Variants in HDLBP observed in about 807,000 individuals in gnomAD.
The protein encoded by HDLBP is vigilin.
HDLBP carries 30 observed loss-of-function variants against 137.3 expected under a neutral mutation model. The observed-to-expected ratio is 0.22, with a 90% CI of 0.16 to 0.30. HDLBP has a LOEUF of 0.30. Ranked by LOEUF, HDLBP falls within the 10% of genes least tolerant of loss-of-function variation. The pLI, the probability that HDLBP is intolerant of heterozygous loss-of-function variation, is 1.00. For missense variants in HDLBP, 1,119 were observed against 1,667.3 expected, an observed-to-expected ratio of 0.67 and a Z score of 5.73; for synonymous variants, 606 against 596.0, an observed-to-expected ratio of 1.02 and a Z score of -0.24.
At chr2:241,297,245 G>A (rs12612578) in intron 1 of HDLBP, among the ~76,000 whole-genome samples, 48,286 of 152,132 alleles carry the variant, frequency 0.32, 8,398 homozygotes, top group East Asian at 0.51. Flanking sequence ...AGCTGAGTGA[G>A]ATGAGGAGGC....
rs761227325 is a variant in HDLBP at position 241,255,042 on chromosome 2, T to G, written c.1188+9A>C. The G allele has an allele frequency of 6.3e-7, 1 of 1,579,024 alleles. No homozygotes were observed. The highest frequency in any genetic ancestry group is 1.1e-5 in the South Asian group (1 of 90,294). On this transcript the variant is annotated intron_variant, in intron 9 of 27. Transcript: ENST00000310931. ...AATTCAATACAACAGGTGAAAAACG[T>G]GTCCTTACCTTTGGCATCTGCTGAG... is the stretch of plus-strand genomic sequence containing the variant.
chr2:241,304,271 T>C (rs2075496233), intron 1 of HDLBP, among the ~76,000 whole-genome samples: 3 of 152,240 alleles, frequency 2.0e-5, no homozygotes, highest in South Asian at 2.1e-4. Context: ...AATACATTAA[T>C]AGCACACCAA....
chr2:241,310,908 A>G (rs976924001), intron 1 of HDLBP, among the ~76,000 whole-genome samples: 1 of 152,186 alleles, frequency 6.6e-6, no homozygotes, highest in African/African-American at 2.4e-5. Context: ...TGAGGCCAGG[A>G]GTTCAAGATC....
chr2:241,266,765 C>G (rs776026477), intron 3 of HDLBP, 29 bp downstream of exon 3: 2 of 1,365,530 alleles, frequency 1.5e-6, no homozygotes, highest in Admixed American at 1.7e-5. Context: ...TTAGACATTA[C>G]CAGGAAGAGC....
intron 5 of HDLBP, among the ~76,000 whole-genome samples, chr2:241,260,187 G>A (rs1479780224): frequency 6.6e-6 from 1 of 151,972 alleles, no homozygotes. Flanking sequence ...TGTATTTTTA[G>A]TAGAGATGGG....
intron 1 of HDLBP, chr2:241,280,031 G>C (rs1173736206): frequency 9.1e-6 from 9 of 985,244 alleles, no homozygotes; most frequent in Non-Finnish European, 1.1e-5. Context: ...TGGGAGCAGA[G>C]ATGTGGAGGA....
chr2:241,249,922 C>T lies in HDLBP; in HGVS notation c.1431G>A (p.Lys477=), dbSNP rs763912794. 5.0e-6 allele frequency: 8 copies of T among 1,613,978 alleles called. No individual in the cohort carries two copies. In the Admixed American group the frequency reaches 8.3e-5, roughly 17 times the overall value. The change falls in exon 12 of 28, where the codon AAG becomes AAA. Residue 477 remains lysine (K), a synonymous_variant. Transcript: ENST00000310931. The stretch of plus-strand genomic sequence containing the variant: ...CCCCCTCGATGCGGATCAAATTGCT[C>T]TTCTCACTGTCAGGAGGGATGCGCA... ...VSVRIPPDSE[K]SNLIRIEGDP... is the part of the protein sequence containing the mutation.
chr2:241,272,034 A>C lies in HDLBP; in HGVS notation c.-102-3493T>G. On this transcript the variant is annotated intron_variant, in intron 1 of 27. Transcript: ENST00000310931. The surrounding 1 kb of genome is among the most constrained non-coding windows in gnomAD (Gnocchi z 5.6). ...GCGGGGACAGGCTTAAAGGGACAGC[A>C]ACCCCTCGGCCTCCCCGCCTTTCAT... 3.9e-6 allele frequency: 1 copy of C among 257,858 alleles called. No homozygotes were observed. Among genetic ancestry groups the C allele is most frequent in the Non-Finnish European group, 6.1e-6 (1 of 164,670 alleles). The allele number at this position is 257,858 out of a possible 1,614,324, so 16.0% of individuals were successfully genotyped here.
intron 9 of HDLBP, 129 bp from the exon 10 acceptor site, chr2:241,253,626 G>A: frequency 1.5e-6 from 1 of 671,188 alleles, no homozygotes; most frequent in Non-Finnish European, 2.7e-6. Context: ...GAGGGAGGGA[G>A]GGACATATCC....
At chr2:241,256,493 C>T (rs1559510467) in intron 6 of HDLBP, 94 bp from the exon 7 acceptor site, 2 of 1,493,374 alleles carry the variant, frequency 1.3e-6, no homozygotes, top group South Asian at 1.2e-5. Context: ...GCCCTCCACC[C>T]CCACCACATT....
chr2:241,241,190 AAAGAC>A (rs942689073), intron 17 of HDLBP, among the ~76,000 whole-genome samples: 1 of 152,146 alleles, frequency 6.6e-6, no homozygotes, highest in African/African-American at 2.4e-5. Context: ...CAACAACAAA[AAAGAC>A]AAGAAATACA....
Position 241,239,888 on chromosome 2 carries a change from G to T in HDLBP, c.2391+13C>A. Reference sequence around the variant, plus strand: ...GGCCCCAGCAGAGTCGGCCGCCGAGGCCCGCTCCCTACCAGGTTTTGGATC... The same window carrying T: ...GGCCCCAGCAGAGTCGGCCGCCGAGTCCCGCTCCCTACCAGGTTTTGGATC... On this transcript the variant is annotated intron_variant, in intron 18 of 27. Coordinates refer to ENST00000310931, the MANE Select transcript of HDLBP (RefSeq NM_005336.6). The surrounding 1 kb of genome is among the most constrained non-coding windows in gnomAD (Gnocchi z 4.6). 6.2e-7 allele frequency: 1 copy of T among 1,613,374 alleles called. No individual in the cohort carries two copies. The highest frequency in any genetic ancestry group is 1.1e-5 in the South Asian group (1 of 91,074).
intron 21 of HDLBP, 53 bp from the exon 22 acceptor site, chr2:241,235,647 T>TA: frequency 7.6e-6 from 10 of 1,311,756 alleles, no homozygotes; most frequent in Non-Finnish European, 1.1e-5. Context: ...CAGAGTGACG[T>TA]TGTAAGCTCA....
At chr2:241,235,062 C>A in intron 23 of HDLBP, 59 bp downstream of exon 23, 1 of 1,584,616 alleles carries the variant, frequency 6.3e-7, no homozygotes, top group Non-Finnish European at 8.6e-7. Flanking sequence ...TAGATTCTGA[C>A]ATGTGCCCAA....
chr2:241,230,577 C>T lies in HDLBP; in HGVS notation c.3474+182G>A, dbSNP rs1025980452. 2.0e-5 allele frequency among the ~76,000 whole-genome samples: 3 copies of T among 152,240 alleles called. No individual in the cohort carries two copies. The East Asian group carries it at 5.8e-4, about 29-fold the overall frequency. On this transcript the variant is annotated intron_variant, in intron 25 of 27. Coordinates refer to ENST00000310931, the MANE Select transcript of HDLBP (RefSeq NM_005336.6). The surrounding 1 kb of genome is among the most constrained non-coding windows in gnomAD (Gnocchi z 5.0). Reference sequence around the variant, plus strand: ...CCTCCTAATGGCCACCGTGGCAGTGCAGCCTCACACAGGCCGTCGCCTGCA... The same window carrying T: ...CCTCCTAATGGCCACCGTGGCAGTGTAGCCTCACACAGGCCGTCGCCTGCA...
At chr2:241,278,305 T>C (rs10933545) in intron 1 of HDLBP, among the ~76,000 whole-genome samples, 28,889 of 152,206 alleles carry the variant, frequency 0.19, 3,077 homozygotes, top group Middle Eastern at 0.34. Flanking sequence ...TCAAATAGGC[T>C]GGGCACGGTG....
chr2:241,271,060 ATCTACAACT>A, intron 1 of HDLBP: 3 of 985,358 alleles, frequency 3.0e-6, no homozygotes, highest in Non-Finnish European at 3.6e-6. Context: ...TTATGACAAA[ATCTACAACT>A]TCTTTCCCCT....
At chr2:241,295,618 T>C (rs1288661967) in intron 1 of HDLBP, among the ~76,000 whole-genome samples, 1 of 152,226 alleles carries the variant, frequency 6.6e-6, no homozygotes, top group Non-Finnish European at 1.5e-5. Flanking sequence ...TGTGATAGGC[T>C]GAAAAATGGC....
chr2:241,234,648 G>A (rs746608312), intron 23 of HDLBP, among the ~76,000 whole-genome samples: 15 of 152,198 alleles, frequency 9.9e-5, no homozygotes, highest in East Asian at 3.8e-4. Context: ...GAGGCTGGGC[G>A]TCTGCAGCGC....
Sources: allele counts gnomAD v4.1 joint callset (sites outside exome capture counted in the v4.1 genomes callset), GRCh38; gene constraint gnomAD v4.1.1; non-coding constraint Gnocchi (gnomAD v3.1); transcripts MANE v1.5; gene names NCBI Gene and HGNC (gene_info 2026-07-23, HGNC 2026-07-21).